Variants in CTNNA3 observed in about 807,000 individuals in gnomAD.
CTNNA3 encodes the protein catenin alpha-3.
CTNNA3 carries 76 observed loss-of-function variants against 95.7 expected under a neutral mutation model. That is an observed-to-expected ratio of 0.79 (90% CI 0.66 to 0.96). The LOEUF (loss-of-function observed/expected upper bound fraction) is 0.96. Among genes scored for constraint, CTNNA3 ranks in the 40% least tolerant of loss-of-function variants. The pLI, the probability that CTNNA3 is intolerant of heterozygous loss-of-function variation, is 0.00. For synonymous variants in CTNNA3, 431 were observed against 374.4 expected, an observed-to-expected ratio of 1.15 and a Z score of -1.74; for missense variants, 1,191 against 1,089.8, an observed-to-expected ratio of 1.09 and a Z score of -1.31.
intron 5 of CTNNA3, among the ~76,000 whole-genome samples, chr10:67,416,340 G>A (rs941472689): frequency 9.9e-6 from 1 of 101,480 alleles, no homozygotes. Context: ...AGGCGTGGTG[G>A]CTCACGCCTG....
chr10:65,977,511 T>A (rs1456384095), intron 16 of CTNNA3, among the ~76,000 whole-genome samples: 2 of 152,150 alleles, frequency 1.3e-5, no homozygotes, highest in African/African-American at 2.4e-5. Context: ...CCAGGTGCGG[T>A]GGCTCACGCC....
chr10:67,759,414 A>G (rs1841450756), intron 1 of CTNNA3, among the ~76,000 whole-genome samples: 1 of 152,234 alleles, frequency 6.6e-6, no homozygotes. Flanking sequence ...GCAAAAGCAC[A>G]CAAGGCAGCT....
intron 13 of CTNNA3, among the ~76,000 whole-genome samples, chr10:66,179,141 TG>T (rs2085897878): frequency 6.6e-6 from 1 of 152,116 alleles, no homozygotes; most frequent in East Asian, 1.9e-4. Context: ...AGCCCCAAAC[TG>T]GAAGACATCC....
At chr10:66,440,825 G>A (rs1256157074) in intron 11 of CTNNA3, among the ~76,000 whole-genome samples, 2 of 152,086 alleles carry the variant, frequency 1.3e-5, no homozygotes, top group Non-Finnish European at 2.9e-5. Context: ...GATTAGATTA[G>A]GGCCTGGCAC....
At chr10:65,967,406 T>G (rs1460072341) in intron 16 of CTNNA3, among the ~76,000 whole-genome samples, 1 of 152,188 alleles carries the variant, frequency 6.6e-6, no homozygotes, top group Non-Finnish European at 1.5e-5. Flanking sequence ...AGAATTACTA[T>G]TAGAAGGCTC....
intron 11 of CTNNA3, among the ~76,000 whole-genome samples, chr10:66,441,728 T>A (rs1368405024): frequency 6.6e-6 from 1 of 152,198 alleles, no homozygotes; most frequent in East Asian, 1.9e-4. Flanking sequence ...AAAAACACTG[T>A]GTGCAAATGT....
intron 13 of CTNNA3, among the ~76,000 whole-genome samples, chr10:66,141,368 ATGTT>A (rs2083610286): frequency 6.6e-6 from 1 of 152,128 alleles, no homozygotes. Context: ...AATTTCAAGA[ATGTT>A]TGAGGTTAAA....
intron 9 of CTNNA3, among the ~76,000 whole-genome samples, chr10:66,718,930 G>A (rs951709875): frequency 6.6e-6 from 1 of 152,116 alleles, no homozygotes; most frequent in Non-Finnish European, 1.5e-5. Flanking sequence ...TACCACTAAA[G>A]TAACATAGAA....
intron 5 of CTNNA3, among the ~76,000 whole-genome samples, chr10:67,268,510 C>G (rs1440593975): frequency 6.6e-6 from 1 of 151,996 alleles, no homozygotes; most frequent in African/African-American, 2.4e-5. Flanking sequence ...GGAGACCCAG[C>G]CTCTGAACAA....
At chr10:67,097,509 G>A in intron 7 of CTNNA3, 3 of 1,294,086 alleles carry the variant, frequency 2.3e-6, no homozygotes, top group Non-Finnish European at 3.3e-6. Flanking sequence ...AGTCAGGTCA[G>A]CACTTCAGTC....
chr10:67,351,399 C>T (rs1842631931), intron 5 of CTNNA3, among the ~76,000 whole-genome samples: 1 of 151,878 alleles, frequency 6.6e-6, no homozygotes, highest in Non-Finnish European at 1.5e-5. Context: ...ATCTCTTCTA[C>T]AAGAAAGCAT....
intron 14 of CTNNA3, among the ~76,000 whole-genome samples, chr10:66,087,656 T>C (rs2081041352): frequency 6.6e-6 from 1 of 152,134 alleles, no homozygotes; most frequent in East Asian, 1.9e-4. Context: ...GACTCTTTTG[T>C]TTTCAGTCAT....
At chr10:66,191,769 A>G (rs1197049004) in intron 13 of CTNNA3, among the ~76,000 whole-genome samples, 2 of 152,190 alleles carry the variant, frequency 1.3e-5, no homozygotes, top group Non-Finnish European at 2.9e-5. Context: ...CAGACTATCC[A>G]TAATGGCCCT....
chr10:66,490,887 A>C (rs139553715), intron 11 of CTNNA3, among the ~76,000 whole-genome samples: 1 of 152,290 alleles, frequency 6.6e-6, no homozygotes, highest in East Asian at 1.9e-4. Context: ...TGAACAACGA[A>C]TATATGATGT....
At chr10:66,204,609 A>T (rs1487877861) in intron 13 of CTNNA3, among the ~76,000 whole-genome samples, 1 of 152,154 alleles carries the variant, frequency 6.6e-6, no homozygotes, top group Non-Finnish European at 1.5e-5. Flanking sequence ...GGCACCTATA[A>T]ATGACGAGTA....
chr10:66,113,769 C>T (rs2082206079), intron 13 of CTNNA3, among the ~76,000 whole-genome samples: 1 of 152,124 alleles, frequency 6.6e-6, no homozygotes, highest in African/African-American at 2.4e-5. Context: ...AATTTTAGAT[C>T]ACAAATCTCT....
chr10:66,866,375 G>C (rs1403246704), intron 7 of CTNNA3, among the ~76,000 whole-genome samples: 1 of 152,190 alleles, frequency 6.6e-6, no homozygotes, highest in Non-Finnish European at 1.5e-5. Flanking sequence ...TCCTCCACTA[G>C]AGCTTAGAAT....
intron 17 of CTNNA3, among the ~76,000 whole-genome samples, chr10:65,925,515 C>A (rs763481373): frequency 7.2e-5 from 11 of 152,124 alleles, no homozygotes; most frequent in Non-Finnish European, 1.6e-4. Context: ...CAGCTTACTG[C>A]AACTTCCACC....
intron 17 of CTNNA3, among the ~76,000 whole-genome samples, chr10:65,934,370 C>G (rs1019325963): frequency 6.6e-6 from 1 of 152,108 alleles, no homozygotes; most frequent in Admixed American, 6.6e-5. Context: ...CAAAAATATG[C>G]AGACTCTCCT....
Sources: gnomAD v4.1 joint callset for allele counts (sites outside exome capture counted in the v4.1 genomes callset) on GRCh38, gnomAD v4.1.1 for gene constraint, MANE v1.5 for transcripts, NCBI Gene and HGNC (gene_info 2026-07-23, HGNC 2026-07-21) for gene names.